Variants in SLC25A26 observed in about 807,000 individuals in gnomAD.
The protein encoded by SLC25A26 is solute carrier family 25 member 26, also known as mitochondrial S-adenosylmethionine carrier protein.
Under a neutral mutation model 37.8 loss-of-function variants are expected in SLC25A26, and 36 were observed. The observed-to-expected ratio is 0.95, with a 90% CI of 0.73 to 1.26. The LOEUF (loss-of-function observed/expected upper bound fraction) is 1.26. Among genes scored for constraint, SLC25A26 ranks in the 50% most tolerant of loss-of-function variants. The pLI is 0.00. For synonymous variants in SLC25A26, 129 were observed against 122.5 expected (o/e 1.05, Z -0.35); for missense variants, 390 against 331.1 (o/e 1.18, Z -1.38).
At chr3:66,218,519 A>C (rs2071394800), upstream of SLC25A26, among the ~76,000 whole-genome samples, 1 of 152,144 alleles carries the variant, frequency 6.6e-6, no homozygotes, top group Non-Finnish European at 1.5e-5. Context: ...CATTTCCCTG[A>C]TGTGGTAACC....
intron 1 of SLC25A26, among the ~76,000 whole-genome samples, chr3:66,137,223 T>C (rs955578097): frequency 6.0e-5 from 9 of 148,994 alleles, no homozygotes; most frequent in Non-Finnish European, 8.9e-5. Flanking sequence ...CTTTCTTTTT[T>C]TTTTTTTTTT....
chr3:66,198,149 G>C (rs967814919), intron 1 of SLC25A26, among the ~76,000 whole-genome samples: 6 of 152,192 alleles, frequency 3.9e-5, no homozygotes, highest in Middle Eastern at 6.8e-3. Context: ...GTCAGTGTAA[G>C]AGTATTATCT....
intron 1 of SLC25A26, among the ~76,000 whole-genome samples, chr3:66,211,671 AG>A (rs1439289286): frequency 1.3e-5 from 2 of 152,232 alleles, no homozygotes; most frequent in African/African-American, 4.8e-5. Context: ...ATAGAAAAAA[AG>A]TAAGAACATT....
chr3:66,290,129 G>T (rs1280889731), intron 5 of SLC25A26, among the ~76,000 whole-genome samples: 3 of 152,126 alleles, frequency 2.0e-5, no homozygotes, highest in Admixed American at 2.0e-4. Context: ...TATTATTGGT[G>T]TATGGAAATG....
intron 5 of SLC25A26, among the ~76,000 whole-genome samples, chr3:66,300,475 C>T (rs1378538632): frequency 6.6e-6 from 1 of 152,016 alleles, no homozygotes; most frequent in East Asian, 1.9e-4. Flanking sequence ...TTTCAAATTA[C>T]CTTTTCCTAT....
intron 5 of SLC25A26, among the ~76,000 whole-genome samples, chr3:66,310,173 C>G (rs2075337399): frequency 6.6e-6 from 1 of 152,208 alleles, no homozygotes; most frequent in Admixed American, 6.5e-5. Flanking sequence ...CTTTATGAAT[C>G]TGAGTGCTCC....
intron 5 of SLC25A26, among the ~76,000 whole-genome samples, chr3:66,284,233 C>T (rs1481242342): frequency 6.6e-6 from 1 of 152,034 alleles, no homozygotes; most frequent in African/African-American, 2.4e-5. Context: ...CCCATAGTCC[C>T]ATTTACTTGG....
rs774142915 is a variant in SLC25A26, at chr3:66,263,396, C to T, written c.453+17C>T. On this transcript the variant is annotated intron_variant, in intron 5 of 9. Coordinates refer to ENST00000354883, the MANE Select transcript of SLC25A26 (RefSeq NM_001379210.1). ...TTAAGAGAGGTAAGTCACTTACTTT[C>T]CAATATTGAAGTACGAAAGAATGAT... is the stretch of plus-strand genomic sequence containing the variant. 3 of 1,560,468 alleles carry T rather than the reference C, an allele frequency of 1.9e-6. No homozygotes were observed. The highest frequency in any genetic ancestry group is 1.8e-6 in the Non-Finnish European group (2 of 1,133,724).
At chr3:66,176,340 T>G (rs1022797873) in intron 1 of SLC25A26, among the ~76,000 whole-genome samples, 9 of 152,208 alleles carry the variant, frequency 5.9e-5, no homozygotes, top group African/African-American at 1.7e-4. Context: ...CATAAAGAAC[T>G]AGGAATGATG....
chr3:66,275,146 C>T (rs1432827836), intron 5 of SLC25A26, among the ~76,000 whole-genome samples: 1 of 150,570 alleles, frequency 6.6e-6, no homozygotes, highest in Non-Finnish European at 1.5e-5. Context: ...TAAACTATCG[C>T]AAGGACAAAA....
chr3:66,319,648 A>G (rs1193313809), intron 5 of SLC25A26, among the ~76,000 whole-genome samples: 1 of 151,766 alleles, frequency 6.6e-6, no homozygotes, highest in Non-Finnish European at 1.5e-5. Flanking sequence ...CTTTGTGAGC[A>G]TGTAAATACT....
intron 7 of SLC25A26, among the ~76,000 whole-genome samples, chr3:66,366,346 T>C (rs2076824173): frequency 6.6e-6 from 1 of 152,184 alleles, no homozygotes; most frequent in African/African-American, 2.4e-5. Context: ...CCCCAGCCCT[T>C]CCCCGTTATG....
chr3:66,280,882 G>A (rs2074312988), intron 5 of SLC25A26, among the ~76,000 whole-genome samples: 1 of 152,002 alleles, frequency 6.6e-6, no homozygotes, highest in African/African-American at 2.4e-5. Flanking sequence ...TAAGAATGGA[G>A]TCCTACTTCT....
intron 1 of SLC25A26, among the ~76,000 whole-genome samples, chr3:66,196,832 A>G (rs918012256): frequency 6.6e-6 from 1 of 152,194 alleles, no homozygotes; most frequent in African/African-American, 2.4e-5. Context: ...TAGACATAAG[A>G]GACACCTAGA....
At chr3:66,222,917 A>T (rs1553659108) in intron 1 of SLC25A26, among the ~76,000 whole-genome samples, 2 of 152,090 alleles carry the variant, frequency 1.3e-5, no homozygotes, top group Non-Finnish European at 2.9e-5. Context: ...CAATGTATTT[A>T]TAGAGGGTAA....
intron 5 of SLC25A26, among the ~76,000 whole-genome samples, chr3:66,285,898 C>G (rs2074497642): frequency 6.6e-6 from 1 of 152,196 alleles, no homozygotes; most frequent in African/African-American, 2.4e-5. Context: ...GGAAGACCAA[C>G]AAACTACTCC....
chr3:66,312,939 C>T (rs2075425101), intron 5 of SLC25A26, among the ~76,000 whole-genome samples: 1 of 152,100 alleles, frequency 6.6e-6, no homozygotes, highest in Non-Finnish European at 1.5e-5. Context: ...GGAGCTGTTC[C>T]TATTCAGCCA....
intron 1 of SLC25A26, among the ~76,000 whole-genome samples, chr3:66,183,147 C>A (rs565025966): frequency 6.6e-6 from 1 of 151,898 alleles, no homozygotes; most frequent in African/African-American, 2.4e-5. Flanking sequence ...CTGACCTTGA[C>A]CTGACCCTCA....
intron 5 of SLC25A26, among the ~76,000 whole-genome samples, chr3:66,281,128 C>G (rs1005532876): frequency 6.6e-6 from 1 of 152,098 alleles, no homozygotes; most frequent in African/African-American, 2.4e-5. Context: ...GTAAACGGTC[C>G]CATAATCTGG....
Sources: gnomAD v4.1 joint callset for allele counts (sites outside exome capture counted in the v4.1 genomes callset) on GRCh38, gnomAD v4.1.1 for gene constraint, MANE v1.5 for transcripts, NCBI Gene and HGNC (gene_info 2026-07-23, HGNC 2026-07-21) for gene names.